CLEC16A: variants seen among roughly 807,000 people sequenced by gnomAD.
CLEC16A encodes protein CLEC16A.
In CLEC16A, 51 loss-of-function variants were observed where a neutral mutation model predicts 109.5. The ratio of observed to expected loss-of-function variants is 0.47; its 90% CI spans 0.37 to 0.59. The LOEUF is 0.59. Among genes scored for constraint, CLEC16A ranks in the 20% least tolerant of loss-of-function variants. The pLI, the probability that CLEC16A is intolerant of heterozygous loss-of-function variation, is 0.00. For missense variants in CLEC16A, 1,339 were observed against 1,394.0 expected, an observed-to-expected ratio of 0.96 and a Z score of 0.63; for synonymous variants, 673 against 564.2, an observed-to-expected ratio of 1.19 and a Z score of -2.73.
rs1000161528 is a variant in CLEC16A, at chr16:11,178,662, C to G, written c.3134C>G (p.Ala1045Gly). 1 of 1,544,960 alleles carries G rather than the reference C, an allele frequency of 6.5e-7. No homozygotes were observed. Among genetic ancestry groups the G allele is most frequent in the African/African-American group, 1.4e-5 (1 of 73,746 alleles). Residue 1045 changes from alanine to glycine, a missense_variant, in exon 24 of 24, where the codon GCT becomes GGT. Physicochemically the swap from Ala to Gly is moderately conservative, Grantham distance 60 (BLOSUM62 0). Around this residue, in one of 3 missense-constraint regions of CLEC16A, gnomAD observed 1,061 missense variants for 1,006.8 expected, o/e 1.05. Coordinates refer to ENST00000409790, the MANE Select transcript of CLEC16A (RefSeq NM_015226.3). The surrounding 1 kb of genome is among the most constrained non-coding windows in gnomAD (Gnocchi z 6.5). ...TEPVGEEAAC[A>G]EPVGTAED ...CCCGTGGGCGAAGAGGCTGCATGTG[C>G]TGAGCCTGTGGGCACCGCTGAGGAC...
rs1244387644 is a variant in CLEC16A at position 11,042,345 on chromosome 16, G to A, written c.1752G>A (p.Val584=). The change falls in exon 15 of 24, where the codon GTG becomes GTA. Residue 584 remains valine (V), a synonymous_variant. Coordinates refer to ENST00000409790, the MANE Select transcript of CLEC16A (RefSeq NM_015226.3). The stretch of plus-strand genomic sequence containing the variant: ...GTGCTGGCTGCATCATGAAGGACGT[G>A]CACCTGGCCTGCCTGGAGGTAACGC... ...LMSAGCIMKD[V]HLACLEGARE... The A allele has an allele frequency of 1.3e-6, 2 of 1,587,726 alleles. No homozygotes were observed. Among genetic ancestry groups the A allele is most frequent in the Non-Finnish European group, 1.7e-6 (2 of 1,167,218 alleles).
At position 11,131,194 on chromosome 16, in the gene CLEC16A, T is replaced by G. The variant is rs532422857; in HGVS notation, c.2641+5048T>G. On this transcript the variant is annotated intron_variant, in intron 22 of 23. Coordinates refer to ENST00000409790, the MANE Select transcript of CLEC16A (RefSeq NM_015226.3). Reference sequence around the variant, plus strand: ...GGCAGGCATGGCCAGGCCTAGACTCTAGCCTGAGCACTCTGTGGCTTTGAG... The same window carrying G: ...GGCAGGCATGGCCAGGCCTAGACTCGAGCCTGAGCACTCTGTGGCTTTGAG... 1.3e-3 allele frequency among the ~76,000 whole-genome samples: 201 copies of G among 152,304 alleles called. 1 individual carries two copies. The highest frequency in any genetic ancestry group is 4.4e-3 in the African/African-American group (183 of 41,572).
At chr16:11,054,137 C>T (rs1411522777) in intron 18 of CLEC16A, among the ~76,000 whole-genome samples, 1 of 152,236 alleles carries the variant, frequency 6.6e-6, no homozygotes, top group Admixed American at 6.5e-5. Flanking sequence ...TCACGGGAGC[C>T]TTGGAGCCCC....
chr16:10,971,039 G>A (rs1596809112), intron 4 of CLEC16A, 86 bp from the exon 5 acceptor site: 3 of 526,312 alleles, frequency 5.7e-6, no homozygotes, highest in East Asian at 3.7e-5. Flanking sequence ...TTTTTCTGAA[G>A]TCTCTGATGG....
Position 10,961,354 on chromosome 16 carries a change from C to A in CLEC16A, c.210-1101C>A, listed in dbSNP as rs1294968265. Among the ~76,000 whole-genome samples, 1 of 152,144 alleles carries A rather than the reference C, an allele frequency of 6.6e-6. No individual in the cohort carries two copies. Among genetic ancestry groups the A allele is most frequent in the African/African-American group, 2.4e-5 (1 of 41,406 alleles). ...CAGGCAGCACTGAGTAAGTTCCAGG[C>A]CCATGACCTCACCACTGTGGAGATG... On this transcript the variant is annotated intron_variant, in intron 2 of 23. Transcript: ENST00000409790. This position sits in a 1 kb window ranked among gnomAD's most constrained non-coding sequence, Gnocchi z 4.3.
At chr16:11,172,379 A>G (rs1160855503) in intron 23 of CLEC16A, among the ~76,000 whole-genome samples, 1 of 152,228 alleles carries the variant, frequency 6.6e-6, no homozygotes, top group Admixed American at 6.5e-5. Flanking sequence ...ATCTCCTCAG[A>G]TAAGAACTCT....
chr16:10,986,348 A>G lies in CLEC16A; in HGVS notation c.1071+3357A>G, dbSNP rs1365730416. 2.7e-5 allele frequency among the ~76,000 whole-genome samples: 4 copies of G among 150,420 alleles called. No individual in the cohort carries two copies. In the East Asian group the frequency reaches 7.8e-4, roughly 29 times the overall value. ...CTGCATTTTTAGAGTTGTGATAAGA[A>G]CACAACATGAGATCTACCCTTTTAA... is the stretch of plus-strand genomic sequence containing the variant. On this transcript the variant is annotated intron_variant, in intron 10 of 23. Transcript: ENST00000409790.
At chr16:11,130,210 G>T (rs1324757893) in intron 22 of CLEC16A, among the ~76,000 whole-genome samples, 1 of 152,140 alleles carries the variant, frequency 6.6e-6, no homozygotes, top group Non-Finnish European at 1.5e-5. Context: ...GCCTAGCTCT[G>T]TGCCCCCACT....
chr16:11,135,805 T>G (rs558758539), intron 22 of CLEC16A, among the ~76,000 whole-genome samples: 2 of 152,358 alleles, frequency 1.3e-5, no homozygotes, highest in South Asian at 4.1e-4. Flanking sequence ...CACAGGCCAG[T>G]GTCAGTGGCA....
At chr16:11,095,864 A>G (rs1160118825) in intron 19 of CLEC16A, among the ~76,000 whole-genome samples, 1 of 151,578 alleles carries the variant, frequency 6.6e-6, no homozygotes, top group Non-Finnish European at 1.5e-5. Context: ...GCTGTAGCGT[A>G]AGATTGGCAC....
At chr16:11,157,630 T>C (rs187086608) in intron 22 of CLEC16A, among the ~76,000 whole-genome samples, 1 of 152,288 alleles carries the variant, frequency 6.6e-6, no homozygotes, top group African/African-American at 2.4e-5. Flanking sequence ...CCTGCCCACA[T>C]GTCAGTGAAT....
chr16:10,987,273 C>T (rs563314840), intron 10 of CLEC16A, among the ~76,000 whole-genome samples: 2 of 152,170 alleles, frequency 1.3e-5, no homozygotes, highest in South Asian at 4.1e-4. Flanking sequence ...TAACATCTTG[C>T]AAAACTCTAG....
intron 19 of CLEC16A, among the ~76,000 whole-genome samples, chr16:11,070,134 A>G (rs2048987380): frequency 6.6e-6 from 1 of 150,866 alleles, no homozygotes; most frequent in African/African-American, 2.4e-5. Context: ...GCAGTGGCGC[A>G]ATCTCCACTC....
chr16:10,962,348 G>A, intron 2 of CLEC16A, 107 bp from the exon 3 acceptor site: 2 of 1,368,888 alleles, frequency 1.5e-6, no homozygotes, highest in South Asian at 2.3e-5. Context: ...CAGATACCTT[G>A]GGGGAGAGGG....
intron 7 of CLEC16A, among the ~76,000 whole-genome samples, chr16:10,974,394 G>A (rs2042942193): frequency 6.6e-6 from 1 of 152,188 alleles, no homozygotes; most frequent in African/African-American, 2.4e-5. Context: ...TCAAAGGGAT[G>A]ATTAGAAGTT....
chr16:11,142,343 C>T (rs576411252), intron 22 of CLEC16A, among the ~76,000 whole-genome samples: 3 of 152,364 alleles, frequency 2.0e-5, no homozygotes, highest in South Asian at 4.1e-4. Context: ...ATCATACTTG[C>T]AGCCTCACAT....
At chr16:11,001,416 A>C (rs141977247) in intron 10 of CLEC16A, among the ~76,000 whole-genome samples, 1 of 152,250 alleles carries the variant, frequency 6.6e-6, no homozygotes, top group East Asian at 1.9e-4. Context: ...ATGTAGAATT[A>C]AGTTTTAGCT....
intron 22 of CLEC16A, among the ~76,000 whole-genome samples, chr16:11,129,944 A>T (rs2053089860): frequency 6.6e-6 from 1 of 151,844 alleles, no homozygotes; most frequent in African/African-American, 2.4e-5. Context: ...TTGTATTTTT[A>T]GTAGAGATGG....
chr16:11,070,150 A>G (rs970964202), intron 19 of CLEC16A, among the ~76,000 whole-genome samples: 2 of 151,494 alleles, frequency 1.3e-5, no homozygotes, highest in Non-Finnish European at 2.9e-5. Flanking sequence ...CACTCACTGC[A>G]AGCTCCGCCT....
Sources: allele counts gnomAD v4.1 joint callset (sites outside exome capture counted in the v4.1 genomes callset), GRCh38; gene constraint gnomAD v4.1.1; regional missense constraint gnomAD v4.1.1; non-coding constraint Gnocchi (gnomAD v3.1); transcripts MANE v1.5; gene names NCBI Gene and HGNC (gene_info 2026-07-23, HGNC 2026-07-21).